CAMK1D: variants seen among roughly 807,000 people sequenced by gnomAD.
The protein encoded by CAMK1D is calcium/calmodulin-dependent protein kinase type 1D.
In CAMK1D, 9 loss-of-function variants were observed where a neutral mutation model predicts 47.7. That is an observed-to-expected ratio of 0.19 (90% CI 0.11 to 0.33). CAMK1D has a LOEUF of 0.33. Among genes scored for constraint, CAMK1D ranks in the 10% least tolerant of loss-of-function variants. The pLI is 1.00. For synonymous variants in CAMK1D, 184 were observed against 184.9 expected, an observed-to-expected ratio of 0.99 and a Z score of 0.04; for missense variants, 291 against 488.7, an observed-to-expected ratio of 0.60 and a Z score of 3.81.
At chr10:12,536,003 C>T (rs1034812377) in intron 1 of CAMK1D, among the ~76,000 whole-genome samples, 1 of 152,272 alleles carries the variant, frequency 6.6e-6, no homozygotes, top group East Asian at 1.9e-4. Flanking sequence ...TAAACCTGGA[C>T]TTTGCATAGG....
chr10:12,827,268 T>C lies in CAMK1D; in HGVS notation c.1040-1501T>C, dbSNP rs537283568. 3.9e-4 allele frequency among the ~76,000 whole-genome samples: 26 copies of C among 66,934 alleles called. No individual in the cohort carries two copies. The East Asian group carries it at 0.012, about 32-fold the overall frequency. The allele number at this position is 66,934 out of a possible 152,430, so 43.9% of individuals were successfully genotyped here. A position where few individuals can be genotyped will look rare whatever the true frequency, so the allele number is the denominator to read the frequency against. ...CCCTTCTTTCTTTCTTTTTCTTTCC[T>C]TCTCTTTCTTTTCTTTTTCTTTCTT... On this transcript the variant is annotated intron_variant, in intron 10 of 10. Coordinates refer to ENST00000619168, the MANE Select transcript of CAMK1D (RefSeq NM_153498.4).
At chr10:12,450,443 TAAA>T (rs748367570) in intron 1 of CAMK1D, among the ~76,000 whole-genome samples, 1 of 152,178 alleles carries the variant, frequency 6.6e-6, no homozygotes, top group Non-Finnish European at 1.5e-5. Context: ...TTCTTGTTCT[TAAA>T]GAAGGATCGA....
At chr10:12,670,984 C>A (rs965396420) in intron 3 of CAMK1D, among the ~76,000 whole-genome samples, 6 of 152,200 alleles carry the variant, frequency 3.9e-5, no homozygotes, top group Non-Finnish European at 8.8e-5. Context: ...TAGTCTCTTG[C>A]AACTACTTAT....
intron 1 of CAMK1D, among the ~76,000 whole-genome samples, chr10:12,477,739 G>A (rs1054680682): frequency 3.9e-5 from 6 of 152,198 alleles, no homozygotes; most frequent in Admixed American, 3.3e-4. Context: ...GGGGGAAGAA[G>A]CTGAAGGCGG....
intron 2 of CAMK1D, among the ~76,000 whole-genome samples, chr10:12,623,219 C>T (rs1350633121): frequency 0.02 from 14 of 690 alleles, 1 homozygote; most frequent in African/African-American, 0.057. Flanking sequence ...TTTCCTCCCT[C>T]CCTCCCTCCC....
intron 2 of CAMK1D, among the ~76,000 whole-genome samples, chr10:12,557,313 G>A (rs1030232634): frequency 2.0e-5 from 3 of 152,136 alleles, no homozygotes; most frequent in Admixed American, 2.0e-4. Flanking sequence ...ACTTTGGGAG[G>A]CTGAGGCAGG....
intron 1 of CAMK1D, among the ~76,000 whole-genome samples, chr10:12,370,469 G>A (rs994998116): frequency 2.0e-5 from 3 of 152,152 alleles, no homozygotes; most frequent in Admixed American, 6.5e-5. Context: ...TATCCAGAAA[G>A]CGTTGTTATC....
chr10:12,367,059 C>A (rs138552006), intron 1 of CAMK1D, among the ~76,000 whole-genome samples: 1 of 152,252 alleles, frequency 6.6e-6, no homozygotes, highest in East Asian at 1.9e-4. Flanking sequence ...CGGGACAGAT[C>A]CTGTCGCCAA....
At chr10:12,401,928 C>T (rs548378861) in intron 1 of CAMK1D, among the ~76,000 whole-genome samples, 21 of 150,884 alleles carry the variant, frequency 1.4e-4, no homozygotes, top group African/African-American at 5.1e-4. Context: ...CAGAATCTTG[C>T]TCTGTCACCC....
At chr10:12,450,177 G>T (rs1833043295) in intron 1 of CAMK1D, among the ~76,000 whole-genome samples, 1 of 151,704 alleles carries the variant, frequency 6.6e-6, no homozygotes, top group African/African-American at 2.4e-5. Context: ...AAGAAGGAAG[G>T]AAGGAAGAAG....
In CAMK1D at chr10:12,396,277, T is replaced by G. The variant is rs1416558514; in HGVS notation, c.92+46367T>G. ...CAGCCCCTCTCCTGCTGGGCGCTGC[T>G]GGTGTCCTGTCTTCTTTACTATTGT... On this transcript the variant is annotated intron_variant, in intron 1 of 10. Coordinates refer to ENST00000619168, the MANE Select transcript of CAMK1D (RefSeq NM_153498.4). Among the ~76,000 whole-genome samples the G allele has an allele frequency of 1.6e-4, 25 of 152,218 alleles. 1 individual carries two copies. Among genetic ancestry groups the G allele is most frequent in the Admixed American group, 1.6e-3 (25 of 15,278 alleles).
rs138996520 is a variant in CAMK1D, at chr10:12,647,083, C to T, written c.225-19653C>T. 1.3e-3 allele frequency among the ~76,000 whole-genome samples: 192 copies of T among 150,768 alleles called. 1 individual carries two copies. Among genetic ancestry groups the T allele is most frequent in the African/African-American group, 4.3e-3 (177 of 41,030 alleles). ...GTCTCGAACTCCTGACTTTGTGATC[C>T]GCCCACCTCAGCCTCCCAAAGTGCT... On this transcript the variant is annotated intron_variant, in intron 2 of 10. Transcript: ENST00000619168.
At chr10:12,377,578 T>C (rs894024271) in intron 1 of CAMK1D, among the ~76,000 whole-genome samples, 4 of 152,218 alleles carry the variant, frequency 2.6e-5, no homozygotes, top group African/African-American at 7.2e-5. Context: ...ACAAACGTTA[T>C]TCAGGAGTTT....
At chr10:12,639,634 C>T (rs1053746094) in intron 2 of CAMK1D, among the ~76,000 whole-genome samples, 2 of 152,034 alleles carry the variant, frequency 1.3e-5, no homozygotes, top group African/African-American at 2.4e-5. Flanking sequence ...CACACAATCA[C>T]GTGTAACCTT....
rs1281926149 is a variant in CAMK1D at position 12,814,786 on chromosome 10, A to G, written c.754+479A>G. 3.3e-5 allele frequency among the ~76,000 whole-genome samples: 5 copies of G among 152,204 alleles called. No individual in the cohort carries two copies. The East Asian group carries it at 7.7e-4, about 23-fold the overall frequency. On this transcript the variant is annotated intron_variant, in intron 7 of 10. Transcript: ENST00000619168. ...TGTGGGGGATTAACAAACTCACAGC[A>G]GACAGTTCATAACAGCTCTCAGAAA...
chr10:12,520,453 C>G lies in CAMK1D; in HGVS notation c.93-32772C>G, dbSNP rs1396956328. Among the ~76,000 whole-genome samples, 2 of 70,296 alleles carry G rather than the reference C, an allele frequency of 2.8e-5. 1 individual carries two copies. Among genetic ancestry groups the G allele is most frequent in the Non-Finnish European group, 5.9e-5 (2 of 33,870 alleles). The allele number at this position is 70,296 out of a possible 152,430, so 46.1% of individuals were successfully genotyped here. A position where few individuals can be genotyped will look rare whatever the true frequency, so the allele number is the denominator to read the frequency against. ...GCTCCTCACTTTCCAGACTGGGCAG[C>G]CAGGCAGAGGGGCTCCTCACCTCCC... is the stretch of plus-strand genomic sequence containing the variant. On this transcript the variant is annotated intron_variant, in intron 1 of 10. Coordinates refer to ENST00000619168, the MANE Select transcript of CAMK1D (RefSeq NM_153498.4).
At chr10:12,598,973 G>A (rs1458824779) in intron 2 of CAMK1D, among the ~76,000 whole-genome samples, 2 of 152,170 alleles carry the variant, frequency 1.3e-5, no homozygotes, top group African/African-American at 4.8e-5. Flanking sequence ...TAGCACGAAT[G>A]TACACAATTT....
At chr10:12,785,953 C>T (rs190594523) in intron 5 of CAMK1D, among the ~76,000 whole-genome samples, 92 of 152,288 alleles carry the variant, frequency 6.0e-4, no homozygotes, top group Admixed American at 5.3e-3. Context: ...TGGATCTCCA[C>T]GGTTTGGCCC....
intron 3 of CAMK1D, among the ~76,000 whole-genome samples, chr10:12,728,840 C>T (rs1266527866): frequency 1.3e-5 from 2 of 152,218 alleles, no homozygotes; most frequent in Non-Finnish European, 2.9e-5. Context: ...TGCGCACGCA[C>T]ACGTGCCTCT....
Sources: allele counts gnomAD v4.1 joint callset (sites outside exome capture counted in the v4.1 genomes callset), GRCh38; gene constraint gnomAD v4.1.1; transcripts MANE v1.5; gene names NCBI Gene and HGNC (gene_info 2026-07-23, HGNC 2026-07-21).